Variants in GPC5 observed in about 807,000 individuals in gnomAD.
The protein encoded by GPC5 is glypican-5.
Under a neutral mutation model 53.9 loss-of-function variants are expected in GPC5, and 47 were observed. That is an observed-to-expected ratio of 0.87 (90% CI 0.69 to 1.11). The LOEUF (loss-of-function observed/expected upper bound fraction) is 1.11. GPC5 is among the 50% of genes most tolerant of loss of function. The pLI is 0.00. For missense variants in GPC5, 748 were observed against 713.1 expected, an observed-to-expected ratio of 1.05 and a Z score of -0.56; for synonymous variants, 286 against 263.3, an observed-to-expected ratio of 1.09 and a Z score of -0.84.
At chr13:92,239,365 A>G (rs975858878) in intron 7 of GPC5, among the ~76,000 whole-genome samples, 10 of 151,990 alleles carry the variant, frequency 6.6e-5, no homozygotes, top group African/African-American at 1.2e-4. Flanking sequence ...TTATTCAACA[A>G]TGTTTCTAAT....
At chr13:91,504,671 A>T (rs1000319818) in intron 2 of GPC5, among the ~76,000 whole-genome samples, 5 of 152,142 alleles carry the variant, frequency 3.3e-5, no homozygotes, top group African/African-American at 9.7e-5. Flanking sequence ...TGTGAAAGAA[A>T]CTTATGCTGG....
At chr13:91,937,965 T>A in intron 6 of GPC5, among the ~76,000 whole-genome samples, 1 of 152,174 alleles carries the variant, frequency 6.6e-6, no homozygotes, top group Middle Eastern at 3.4e-3. Flanking sequence ...TTCCCCTATA[T>A]GTATTTGAAT....
At chr13:92,765,733 A>T (rs1244586122) in intron 7 of GPC5, among the ~76,000 whole-genome samples, 1 of 152,106 alleles carries the variant, frequency 6.6e-6, no homozygotes, top group Non-Finnish European at 1.5e-5. Context: ...CAAGCCTTCC[A>T]TGTGTTTTTT....
At chr13:92,857,591 GAGTCTATA>G (rs1879042482) in intron 7 of GPC5, among the ~76,000 whole-genome samples, 1 of 152,042 alleles carries the variant, frequency 6.6e-6, no homozygotes, top group South Asian at 2.1e-4. Flanking sequence ...CTACTATCCA[GAGTCTATA>G]AGGAAGTTAA....
At chr13:91,937,815 A>G (rs879551326) in intron 6 of GPC5, among the ~76,000 whole-genome samples, 1 of 152,084 alleles carries the variant, frequency 6.6e-6, no homozygotes, top group Admixed American at 6.6e-5. Context: ...TCAAAGATCT[A>G]AGACATTTTA....
At chr13:91,542,042 T>G (rs200452137) in intron 2 of GPC5, among the ~76,000 whole-genome samples, 1 of 61,186 alleles carries the variant, frequency 1.6e-5, no homozygotes, top group Non-Finnish European at 4.0e-5. Flanking sequence ...TAATAATGTA[T>G]TAATATTAAA....
intron 7 of GPC5, among the ~76,000 whole-genome samples, chr13:92,292,684 A>G (rs1302763780): frequency 2.0e-5 from 3 of 152,048 alleles, no homozygotes; most frequent in Non-Finnish European, 2.9e-5. Flanking sequence ...AAGTCTCAGC[A>G]GTTTATCTTT....
rs570396938 is a variant in GPC5, at chr13:92,866,165, A to C, written c.1562-117A>C. 7.3e-5 allele frequency: 52 copies of C among 716,076 alleles called. No individual in the cohort carries two copies. In the African/African-American group the frequency reaches 8.4e-4, roughly 12 times the overall value. The allele number at this position is 716,076 out of a possible 1,614,324, so 44.4% of individuals were successfully genotyped here. The stretch of plus-strand genomic sequence containing the variant: ...TATTAATTATGTTAGAGTTAGGTGA[A>C]CATAGAGAATGGTCCCCAAAAACAA... On this transcript the variant is annotated intron_variant, in intron 7 of 7. Transcript: ENST00000377067.
intron 6 of GPC5, among the ~76,000 whole-genome samples, chr13:92,064,620 GT>G (rs1229947949): frequency 6.6e-6 from 1 of 151,978 alleles, no homozygotes. Context: ...GCTAGGCGTG[GT>G]GGGGGGGCGC....
At chr13:92,741,094 G>GC (rs958217160) in intron 7 of GPC5, among the ~76,000 whole-genome samples, 6 of 150,502 alleles carry the variant, frequency 4.0e-5, no homozygotes, top group Non-Finnish European at 7.4e-5. Flanking sequence ...GTTTGAATGT[G>GC]CCCCCCAAAT....
At chr13:91,579,610 T>C (rs113073952) in intron 2 of GPC5, among the ~76,000 whole-genome samples, 4,267 of 130,952 alleles carry the variant, frequency 0.033, 193 homozygotes, top group African/African-American at 0.1. Flanking sequence ...ATTTCTTTCT[T>C]TCTTTTTCTT....
intron 2 of GPC5, among the ~76,000 whole-genome samples, chr13:91,534,443 T>C (rs779134512): frequency 1.8e-4 from 28 of 152,364 alleles, no homozygotes; most frequent in Non-Finnish European, 3.4e-4. Context: ...TAATGTAAAG[T>C]GTTTGAGCAA....
At chr13:92,298,598 C>T (rs71427550) in intron 7 of GPC5, among the ~76,000 whole-genome samples, 1 of 152,186 alleles carries the variant, frequency 6.6e-6, no homozygotes, top group African/African-American at 2.4e-5. Flanking sequence ...CTTCAGTTTT[C>T]CCCCTGGGGG....
At chr13:92,522,038 C>G (rs1881073688) in intron 7 of GPC5, among the ~76,000 whole-genome samples, 1 of 152,092 alleles carries the variant, frequency 6.6e-6, no homozygotes, top group Non-Finnish European at 1.5e-5. Context: ...TGTTCATCAT[C>G]ACAGAAATGC....
intron 7 of GPC5, among the ~76,000 whole-genome samples, chr13:92,393,585 G>T (rs1008417289): frequency 6.6e-6 from 1 of 152,190 alleles, no homozygotes; most frequent in Admixed American, 6.5e-5. Context: ...GAAGGCGGAG[G>T]TTGCAGTGAC....
intron 7 of GPC5, among the ~76,000 whole-genome samples, chr13:92,827,397 C>A (rs1240615171): frequency 1.3e-5 from 2 of 151,998 alleles, no homozygotes; most frequent in Admixed American, 1.3e-4. Flanking sequence ...TATTTCTGGA[C>A]ATTATTCATG....
intron 6 of GPC5, among the ~76,000 whole-genome samples, chr13:92,004,443 C>CA (rs1172434127): frequency 0.02 from 924 of 46,888 alleles, 50 homozygotes; most frequent in African/African-American, 0.076. Context: ...GACTCCGTCT[C>CA]AAAAAAAAAA....
intron 7 of GPC5, among the ~76,000 whole-genome samples, chr13:92,388,741 T>C (rs1040659960): frequency 6.6e-6 from 1 of 152,102 alleles, no homozygotes; most frequent in East Asian, 1.9e-4. Flanking sequence ...AAAAGTAATA[T>C]CTTGACTGAG....
At chr13:92,610,017 C>T (rs1012241027) in intron 7 of GPC5, among the ~76,000 whole-genome samples, 25 of 106,992 alleles carry the variant, frequency 2.3e-4, no homozygotes, top group East Asian at 1.2e-3. Context: ...AGCAACAGAG[C>T]GAGACTCCAT....
Sources: gnomAD v4.1 joint callset for allele counts (sites outside exome capture counted in the v4.1 genomes callset) on GRCh38, gnomAD v4.1.1 for gene constraint, MANE v1.5 for transcripts, NCBI Gene and HGNC (gene_info 2026-07-23, HGNC 2026-07-21) for gene names.